NME7: variants seen among roughly 807,000 people sequenced by gnomAD.
The protein encoded by NME7 is NME/NM23 family member 7, also known as nucleoside diphosphate kinase 7.
A neutral mutation model predicts 49.1 loss-of-function variants in NME7; 41 were observed. That is an observed-to-expected ratio of 0.83 (90% CI 0.65 to 1.08). NME7 has a LOEUF of 1.08. Among genes scored for constraint, NME7 ranks in the 50% least tolerant of loss-of-function variants. NME7 has a pLI of 0.00. For missense variants in NME7, 423 were observed against 463.4 expected (o/e 0.91, Z 0.80); for synonymous variants, 139 against 150.6 (o/e 0.92, Z 0.56).
chr1:169,339,907 T>C (rs1470408376), intron 1 of NME7, among the ~76,000 whole-genome samples: 2 of 152,220 alleles, frequency 1.3e-5, no homozygotes, highest in African/African-American at 4.8e-5. Flanking sequence ...AAGTTTCTCC[T>C]CTGCAATGAA....
At chr1:169,134,588 C>G (rs1658367836) in intron 11 of NME7, among the ~76,000 whole-genome samples, 1 of 152,118 alleles carries the variant, frequency 6.6e-6, no homozygotes, top group African/African-American at 2.4e-5. Flanking sequence ...TTAGTATGTC[C>G]TCAACCCTGG....
chr1:169,340,094 T>A (rs1652630441), intron 1 of NME7, among the ~76,000 whole-genome samples: 1 of 152,314 alleles, frequency 6.6e-6, no homozygotes, highest in Admixed American at 6.5e-5. Context: ...CAGTAAACTC[T>A]TCAGTTATTC....
In NME7 at chr1:169,323,233, G is replaced by A. The variant is rs769769515; in HGVS notation, c.162C>T (p.Asn54=). 6.2e-7 allele frequency: 1 copy of A among 1,606,576 alleles called. No homozygotes were observed. The highest frequency in any genetic ancestry group is 1.3e-5 in the African/African-American group (1 of 74,630). The change falls in exon 3 of 12, where the codon AAC becomes AAT. Residue 54 remains asparagine, a synonymous_variant. Coordinates refer to ENST00000367811, the MANE Select transcript of NME7 (RefSeq NM_013330.5). ...RTFLKRTKYD[N]LHLEDLFIGN... ...CTATAAATAAATCTTCCAAGTGCAG[G>A]TTATCATATTTGGTCCGCTTTAAAA...
At chr1:169,361,268 C>G (rs1653642567) in intron 1 of NME7, among the ~76,000 whole-genome samples, 1 of 152,174 alleles carries the variant, frequency 6.6e-6, no homozygotes. Context: ...ATTCCGTTCT[C>G]CAAATACCAC....
At chr1:169,143,328 C>T (rs1433562825) in intron 11 of NME7, among the ~76,000 whole-genome samples, 1 of 137,170 alleles carries the variant, frequency 7.3e-6, no homozygotes, top group Admixed American at 8.0e-5. Context: ...CTAAAACACA[C>T]CAACCAATTC....
At chr1:169,258,772 C>T (rs1193013629) in intron 7 of NME7, among the ~76,000 whole-genome samples, 2 of 133,350 alleles carry the variant, frequency 1.5e-5, no homozygotes, top group East Asian at 2.0e-4. Flanking sequence ...TATTCCCCAG[C>T]ATGGTTCTAT....
At chr1:169,262,475 G>T (rs1649194511) in intron 7 of NME7, among the ~76,000 whole-genome samples, 1 of 134,262 alleles carries the variant, frequency 7.4e-6, no homozygotes. Context: ...GGCTAAGATG[G>T]TAGACTGGAA....
rs1419686298 is a variant in NME7 at position 169,341,448 on chromosome 1, T to G, written c.4-16948A>C. The stretch of plus-strand genomic sequence containing the variant: ...TGGGGCAGAGCCCTCATGGAGAGCC[T>G]CTACTAGGGCAATGCAGAGGGAAAA... On this transcript the variant is annotated intron_variant, in intron 1 of 11. Coordinates refer to ENST00000367811, the MANE Select transcript of NME7 (RefSeq NM_013330.5). 2.6e-5 allele frequency among the ~76,000 whole-genome samples: 4 copies of G among 152,234 alleles called. No homozygotes were observed. The East Asian group carries it at 7.7e-4, about 29-fold the overall frequency.
At chr1:169,242,376 C>T (rs545770019) in intron 7 of NME7, among the ~76,000 whole-genome samples, 3 of 151,666 alleles carry the variant, frequency 2.0e-5, no homozygotes, top group East Asian at 1.9e-4. Flanking sequence ...AAATATACAG[C>T]ACTCATAAAT....
At position 169,258,375 on chromosome 1, in the gene NME7, C is replaced by CATACATATATAT. The variant is rs1197809299; in HGVS notation, c.755-20689_755-20688insATATATATGTAT. On this transcript the variant is annotated intron_variant, in intron 7 of 11. Coordinates refer to ENST00000367811, the MANE Select transcript of NME7 (RefSeq NM_013330.5). ...AAAAATAAAATAAAATAAAATAAAA[C>CATACATATATAT]ATATATATATATATATATATATATA... Among the ~76,000 whole-genome samples, 49 of 86,772 alleles carry CATACATATATAT rather than the reference C, an allele frequency of 5.6e-4. 1 individual carries two copies. The highest frequency in any genetic ancestry group is 1.1e-3 in the Non-Finnish European group (42 of 39,246). 56.9% of individuals were successfully genotyped at this position (86,772 alleles called of 152,430 possible). A position where few individuals can be genotyped will look rare whatever the true frequency, so the allele number is the denominator to read the frequency against.
At chr1:169,262,507 CA>C (rs1322339589) in intron 7 of NME7, among the ~76,000 whole-genome samples, 18 of 133,842 alleles carry the variant, frequency 1.3e-4, no homozygotes, top group African/African-American at 4.1e-4. Context: ...GTGCCACTCC[CA>C]GGGGGAGAAA....
chr1:169,150,007 A>G (rs996852859), intron 11 of NME7, among the ~76,000 whole-genome samples: 5 of 152,162 alleles, frequency 3.3e-5, no homozygotes, highest in Non-Finnish European at 7.3e-5. Context: ...CCATTCAATT[A>G]TAAAATACTT....
rs138557632 is a variant in NME7, at chr1:169,218,231, C to T, written c.990+12487G>A. ...AGTACAACTTATTCCCCTAGAGCCT[C>T]ACCTACTTCCCTCTGTATCCTAAAT... is the stretch of plus-strand genomic sequence containing the variant. On this transcript the variant is annotated intron_variant, in intron 10 of 11. Transcript: ENST00000367811. Among the ~76,000 whole-genome samples the T allele has an allele frequency of 3.9e-5, 6 of 152,288 alleles. No individual in the cohort carries two copies. The East Asian group carries it at 9.7e-4, about 24-fold the overall frequency.
At chr1:169,158,928 G>A (rs1351312638) in intron 11 of NME7, among the ~76,000 whole-genome samples, 1 of 152,186 alleles carries the variant, frequency 6.6e-6, no homozygotes, top group East Asian at 1.9e-4. Flanking sequence ...ACCTGGAGAA[G>A]ATACTGCTTT....
chr1:169,240,528 T>A lies in NME7; in HGVS notation c.755-2841A>T, dbSNP rs549577423. ...GTAGCTTCTTAAAAGTTTGTTGCAA[T>A]GTATAATCTAAAACCTTTATCAATA... is the stretch of plus-strand genomic sequence containing the variant. On this transcript the variant is annotated intron_variant, in intron 7 of 11. Coordinates refer to ENST00000367811, the MANE Select transcript of NME7 (RefSeq NM_013330.5). 3.9e-5 allele frequency among the ~76,000 whole-genome samples: 6 copies of A among 152,184 alleles called. No individual in the cohort carries two copies. In the South Asian group the frequency reaches 1.2e-3, roughly 32 times the overall value.
chr1:169,233,990 A>G (rs1647753169), intron 9 of NME7, among the ~76,000 whole-genome samples: 1 of 145,842 alleles, frequency 6.9e-6, no homozygotes, highest in East Asian at 2.0e-4. Context: ...TGTCTCTCTC[A>G]CTCATTCTCT....
chr1:169,214,035 A>G (rs1416109946), intron 10 of NME7, among the ~76,000 whole-genome samples: 2 of 152,148 alleles, frequency 1.3e-5, no homozygotes, highest in Admixed American at 1.3e-4. Flanking sequence ...GAAGATCTAT[A>G]CAGTTAATTA....
intron 6 of NME7, among the ~76,000 whole-genome samples, chr1:169,289,846 A>T (rs1275471786): frequency 2.0e-5 from 3 of 152,100 alleles, no homozygotes; most frequent in Non-Finnish European, 4.4e-5. Context: ...GGTCATTGTT[A>T]TGGCAATTAA....
intron 11 of NME7, among the ~76,000 whole-genome samples, chr1:169,140,561 C>T (rs183626733): frequency 3.8e-4 from 58 of 152,082 alleles, no homozygotes; most frequent in African/African-American, 1.4e-3. Context: ...CCAGGATGGG[C>T]TCTGCTACAA....
Sources: allele counts gnomAD v4.1 joint callset (sites outside exome capture counted in the v4.1 genomes callset), GRCh38; gene constraint gnomAD v4.1.1; transcripts MANE v1.5; gene names NCBI Gene and HGNC (gene_info 2026-07-23, HGNC 2026-07-21).